The following APTX variants were observed in gnomAD, a reference collection of about 807,000 sequenced individuals.
APTX encodes the protein aprataxin.
APTX carries 33 observed loss-of-function variants against 42.3 expected under a neutral mutation model. The ratio of observed to expected loss-of-function variants is 0.78; its 90% CI spans 0.59 to 1.04. The LOEUF is 1.04. Among genes scored for constraint, APTX ranks in the 50% least tolerant of loss-of-function variants. APTX has a pLI of 0.00. For synonymous variants in APTX, 130 were observed against 146.7 expected, an observed-to-expected ratio of 0.89 and a Z score of 0.82; for missense variants, 421 against 415.1, an observed-to-expected ratio of 1.01 and a Z score of -0.12.
At chr9:32,981,723 T>C (rs142964682) in intron 6 of APTX, among the ~76,000 whole-genome samples, 2 of 152,286 alleles carry the variant, frequency 1.3e-5, no homozygotes, top group South Asian at 4.1e-4. Context: ...AATTATAGTA[T>C]TGAATTATAA....
At chr9:33,023,195 T>C (rs941806986) in intron 1 of APTX, among the ~76,000 whole-genome samples, 2 of 151,762 alleles carry the variant, frequency 1.3e-5, no homozygotes, top group Non-Finnish European at 2.9e-5. Context: ...GTGAGCTCCT[T>C]GAAGGCAGGG....
At chr9:33,019,978 A>G in intron 1 of APTX, 1 of 420,138 alleles carries the variant, frequency 2.4e-6, no homozygotes, top group Non-Finnish European at 4.4e-6. Context: ...GCCCTTGGCC[A>G]CAGACGCTGC....
intron 1 of APTX, chr9:33,019,558 T>G (rs1014184220): frequency 5.8e-6 from 2 of 346,388 alleles, no homozygotes; most frequent in African/African-American, 4.3e-5. Flanking sequence ...AAGGGACCCC[T>G]GAGCACACAA....
chr9:33,015,101 A>AT (rs1462604787), intron 1 of APTX, among the ~76,000 whole-genome samples: 4 of 151,574 alleles, frequency 2.6e-5, no homozygotes, highest in East Asian at 1.9e-4. Context: ...CCGTGTTTTT[A>AT]TTTTTTTCAT....
At chr9:32,989,661 C>T in intron 2 of APTX, 98 bp downstream of exon 2, 2 of 1,582,870 alleles carry the variant, frequency 1.3e-6, no homozygotes, top group Non-Finnish European at 1.7e-6. Flanking sequence ...TTTTGGCAGA[C>T]AATAGATTTT....
chr9:33,020,526 A>G (rs1838288868), intron 1 of APTX, among the ~76,000 whole-genome samples: 1 of 152,256 alleles, frequency 6.6e-6, no homozygotes, highest in South Asian at 2.1e-4. Flanking sequence ...TGTGAAATTT[A>G]AATGTAATCA....
At chr9:33,015,345 T>G (rs1446543723) in intron 1 of APTX, among the ~76,000 whole-genome samples, 1 of 152,130 alleles carries the variant, frequency 6.6e-6, no homozygotes, top group Non-Finnish European at 1.5e-5. Flanking sequence ...ATAAGGGTCA[T>G]TGCCTGAGTT....
intron 6 of APTX, chr9:32,980,097 ACTTTCT>A (rs1830356411): frequency 6.6e-6 from 1 of 151,498 alleles, no homozygotes; most frequent in African/African-American, 2.5e-5. Flanking sequence ...CACCGGAGCT[ACTTTCT>A]TCTCTCGCTT....
chr9:32,983,037 T>G (rs1831062891), intron 6 of APTX, among the ~76,000 whole-genome samples: 1 of 152,082 alleles, frequency 6.6e-6, no homozygotes, highest in African/African-American at 2.4e-5. Context: ...CTCAACCTCC[T>G]GGGCTCAAGT....
chr9:33,001,566 C>T lies in APTX; in HGVS notation c.-5+1G>A. The T allele has an allele frequency of 6.2e-7, 1 of 1,613,922 alleles. No individual in the cohort carries two copies. The highest frequency in any genetic ancestry group is 8.5e-7 in the Non-Finnish European group (1 of 1,180,024). Reference sequence around the variant, plus strand: ...AAGAGATAGGCTGACGACCGCCTTACCTCCAGAAGTCGGAGACGGACAAAT... The same window carrying T: ...AAGAGATAGGCTGACGACCGCCTTATCTCCAGAAGTCGGAGACGGACAAAT... On this transcript the variant is annotated splice_donor_variant, in intron 1 of 7. Transcript: ENST00000379817. LOFTEE classifies it low-confidence loss of function (5UTR_SPLICE).
intron 1 of APTX, among the ~76,000 whole-genome samples, chr9:33,024,535 A>C (rs569317734): frequency 4.0e-4 from 61 of 152,320 alleles, no homozygotes; most frequent in African/African-American, 1.4e-3. Context: ...TCTGTAGCCA[A>C]ACTGGGTGAA....
At chr9:32,997,587 G>A (rs1835243321) in intron 1 of APTX, among the ~76,000 whole-genome samples, 2 of 149,326 alleles carry the variant, frequency 1.3e-5, no homozygotes, top group Non-Finnish European at 3.0e-5. Flanking sequence ...AGCAGGAGGT[G>A]GAGAAAGGAA....
chr9:32,993,432 A>G (rs1010523967), intron 1 of APTX, among the ~76,000 whole-genome samples: 1 of 152,236 alleles, frequency 6.6e-6, no homozygotes, highest in African/African-American at 2.4e-5. Flanking sequence ...ACTGAAAACT[A>G]TGACAATAGA....
intron 6 of APTX, among the ~76,000 whole-genome samples, chr9:32,979,277 T>A (rs979539205): frequency 6.6e-6 from 1 of 152,180 alleles, no homozygotes; most frequent in African/African-American, 2.4e-5. Context: ...CATTTATAAG[T>A]GAGAACATGT....
In APTX at chr9:32,987,674, G is replaced by A; in HGVS notation, c.353C>T (p.Ser118Leu). 6.2e-7 allele frequency: 1 copy of A among 1,614,154 alleles called. No homozygotes were observed. Among genetic ancestry groups the A allele is most frequent in the East Asian group, 2.2e-5 (1 of 44,888 alleles). Residue 118 changes from serine (S) to leucine (L), a missense_variant, in exon 4 of 8, where the codon TCA becomes TTA. Coordinates refer to ENST00000379817, the MANE Select transcript of APTX (RefSeq NM_001195248.2). ...CCTTTCTATAGAATCACTGTTGCCT[G>A]ATCTCTTTCTCTTCCTGTGTGTTTC... is the stretch of plus-strand genomic sequence containing the variant. ...GLETHRKRKR[S>L]GNSDSIERDA...
rs554047309 is a variant in APTX, at chr9:33,006,904, G to A, written c.-4-17009C>T. Among the ~76,000 whole-genome samples the A allele has an allele frequency of 4.0e-5, 6 of 150,802 alleles. No individual in the cohort carries two copies. The East Asian group carries it at 1.2e-3, about 30-fold the overall frequency. On this transcript the variant is annotated intron_variant, in intron 1 of 6. Transcript: ENST00000436040. Reference sequence around the variant, plus strand: ...AGTCCCAGCTACTTGGGAGGCTGAGGCAGGAGAAAGGTGTGAACCCAGGAG... The same window carrying A: ...AGTCCCAGCTACTTGGGAGGCTGAGACAGGAGAAAGGTGTGAACCCAGGAG...
chr9:33,007,685 A>T (rs1174047765), intron 1 of APTX, among the ~76,000 whole-genome samples: 1 of 152,214 alleles, frequency 6.6e-6, no homozygotes, highest in East Asian at 1.9e-4. Flanking sequence ...TTCTTACTGC[A>T]AGAACTGCGA....
chr9:33,024,852 G>A (rs1318836300), intron 1 of APTX: 1 of 80,142 alleles, frequency 1.2e-5, no homozygotes, highest in Non-Finnish European at 2.9e-5. Flanking sequence ...GAGAAGAGGC[G>A]CCCGTAAGAG....
At chr9:32,998,987 A>G (rs1305141454) in intron 1 of APTX, among the ~76,000 whole-genome samples, 2 of 152,228 alleles carry the variant, frequency 1.3e-5, no homozygotes, top group Admixed American at 6.5e-5. Context: ...ATGACTACCC[A>G]TAGCAGAAAT....
Sources: allele counts gnomAD v4.1 joint callset (sites outside exome capture counted in the v4.1 genomes callset), GRCh38; gene constraint gnomAD v4.1.1; transcripts MANE v1.5; gene names NCBI Gene and HGNC (gene_info 2026-07-23, HGNC 2026-07-21).